Variants in TASOR2 observed in about 807,000 individuals in gnomAD.
TASOR2 encodes the protein protein TASOR 2.
TASOR2 carries 84 observed loss-of-function variants against 199.5 expected under a neutral mutation model. That is an observed-to-expected ratio of 0.42 (90% CI 0.35 to 0.50). The LOEUF is 0.50. Among genes scored for constraint, TASOR2 ranks in the 20% least tolerant of loss-of-function variants. The pLI is 0.02. For missense variants in TASOR2, 2,796 were observed against 2,835.9 expected (o/e 0.99, Z 0.32); for synonymous variants, 1,103 against 1,046.6 (o/e 1.05, Z -1.04).
At chr10:5,747,583 T>C in exon 15 of TASOR2, 1 of 1,614,186 alleles carries the variant, frequency 6.2e-7, no homozygotes, top group Non-Finnish European at 8.5e-7. Context: ...TAATGTGACC[T>C]CTGATTTTCC....
chr10:5,762,209 A>G (rs1262754799), intron 19 of TASOR2, among the ~76,000 whole-genome samples: 2 of 79,438 alleles, frequency 2.5e-5, no homozygotes, highest in African/African-American at 1.2e-4. Context: ...TCATCACACC[A>G]CTGCACTGTA....
intron 17 of TASOR2, among the ~76,000 whole-genome samples, chr10:5,758,204 G>A (rs1014373586): frequency 3.9e-5 from 6 of 152,276 alleles, no homozygotes; most frequent in East Asian, 3.9e-4. Context: ...ACCACTTCTA[G>A]ATCAAAAGCA....
chr10:5,756,693 AATC>A lies in TASOR2; in HGVS notation c.6698_6700del (p.Ile2233del), dbSNP rs374568998. 2.2e-4 allele frequency: 363 copies of A among 1,613,468 alleles called. No individual in the cohort carries two copies. In the African/African-American group the frequency reaches 2.9e-3, roughly 13 times the overall value. On this transcript the variant is annotated inframe_deletion, in exon 16 of 21. Transcript: ENST00000328090. ...CTTTCCACAGAGAGAATGATACACTAATCATCATCATCAGAAATGAAGATATAT... is the reference window on the plus strand; with the variant it reads ...CTTTCCACAGAGAGAATGATACACTAATCATCATCAGAAATGAAGATATAT...
chr10:5,749,389 A>T (rs760579073), exon 15 of TASOR2: 1 of 1,614,256 alleles, frequency 6.2e-7, no homozygotes, highest in Non-Finnish European at 8.5e-7. Context: ...AAAACAGACC[A>T]TAAAGAATGG....
At chr10:5,727,270 G>A in intron 10 of TASOR2, 147 bp downstream of exon 11, 1 of 770,856 alleles carries the variant, frequency 1.3e-6, no homozygotes, top group Non-Finnish European at 2.1e-6. Flanking sequence ...CACCCTTCTT[G>A]ACCTCCCTTG....
exon 18 of TASOR2, chr10:5,758,932 A>C (rs369123586): frequency 6.2e-7 from 1 of 1,614,196 alleles, no homozygotes; most frequent in Non-Finnish European, 8.5e-7. Context: ...CTAAATGGAA[A>C]TGGAAGATGG....
rs1296882876 is a variant in TASOR2, at chr10:5,689,222, CT to C, written c.-288+4048del. The stretch of plus-strand genomic sequence containing the variant: ...TGCTATTGAAAAGTCACCTATCAGT[CT>C]ATCAATTCATTTTGTTCTGACTGTT... On this transcript the variant is annotated intron_variant, in intron 1 of 20. Coordinates refer to ENST00000328090, the Ensembl canonical transcript of TASOR2. The surrounding 1 kb of genome is among the most constrained non-coding windows in gnomAD (Gnocchi z 4.1). Among the ~76,000 whole-genome samples, 1 of 152,200 alleles carries C rather than the reference CT, an allele frequency of 6.6e-6. No individual in the cohort carries two copies. Among genetic ancestry groups the C allele is most frequent in the Non-Finnish European group, 1.5e-5 (1 of 68,038 alleles).
At position 5,737,251 on chromosome 10, in the gene TASOR2, C is replaced by T. The variant is rs1835743974; in HGVS notation, c.1447+1705C>T. On this transcript the variant is annotated intron_variant, in intron 12 of 20. Coordinates refer to ENST00000328090, the Ensembl canonical transcript of TASOR2. This position sits in a 1 kb window ranked among gnomAD's most constrained non-coding sequence, Gnocchi z 4.9. The stretch of plus-strand genomic sequence containing the variant: ...AAAGTGCTGGGATTACAGGTGTGAG[C>T]CACCACGCCCAGCCAGGTTTGTTTT... Among the ~76,000 whole-genome samples the T allele has an allele frequency of 6.6e-6, 1 of 152,042 alleles. No homozygotes were observed. The highest frequency in any genetic ancestry group is 2.1e-4 in the South Asian group (1 of 4,816).
intron 2 of TASOR2, 68 bp downstream of exon 2, chr10:5,712,986 G>A: frequency 1.4e-6 from 1 of 722,662 alleles, no homozygotes; most frequent in Non-Finnish European, 1.9e-6. Context: ...CTTCAGTTCT[G>A]TAAGAGTTGT....
Position 5,748,506 on chromosome 10 carries a change from G to A in TASOR2, c.5085G>A (p.Lys1695=), listed in dbSNP as rs1837541783. The change falls in exon 15 of 21, where the codon AAG becomes AAA. Residue 1695 remains lysine (K), a synonymous_variant. Coordinates refer to ENST00000328090, the Ensembl canonical transcript of TASOR2. This position sits in a 1 kb window ranked among gnomAD's most constrained non-coding sequence, Gnocchi z 5.1. ...CAGGCAGAATGGCCAGTTTGCTTAAGAATGGTGAGCCTGAAGCTGAGTTAC... is the reference window on the plus strand; with the variant it reads ...CAGGCAGAATGGCCAGTTTGCTTAAAAATGGTGAGCCTGAAGCTGAGTTAC... 6.2e-7 allele frequency: 1 copy of A among 1,613,884 alleles called. No individual in the cohort carries two copies. The highest frequency in any genetic ancestry group is 1.3e-5 in the African/African-American group (1 of 75,062).
chr10:5,740,072 T>TA lies in TASOR2; in HGVS notation c.1903dup (p.Thr635AsnfsTer2). Reference sequence around the variant, plus strand: ...CCCCTGCTAAAGCCCAGTCAGCACTTACTGAGGAAATGCTAGAATCTTCAG... The same window carrying TA: ...CCCCTGCTAAAGCCCAGTCAGCACTTAACTGAGGAAATGCTAGAATCTTCAG... On this transcript the variant is annotated frameshift_variant, in exon 13 of 21. Coordinates refer to ENST00000328090, the Ensembl canonical transcript of TASOR2. LOFTEE classifies it high-confidence loss of function. The surrounding 1 kb of genome is among the most constrained non-coding windows in gnomAD (Gnocchi z 5.3). The TA allele has an allele frequency of 6.2e-7, 1 of 1,614,068 alleles. No individual in the cohort carries two copies. Among genetic ancestry groups the TA allele is most frequent in the Non-Finnish European group, 8.5e-7 (1 of 1,180,028 alleles).
At chr10:5,724,030 G>T (rs1398349160) in intron 7 of TASOR2, among the ~76,000 whole-genome samples, 2 of 152,204 alleles carry the variant, frequency 1.3e-5, no homozygotes, top group Non-Finnish European at 2.9e-5. Context: ...TAAGCAAGCA[G>T]ATATTAAAAG....
chr10:5,685,089 G>A lies in TASOR2; in HGVS notation c.-374G>A, dbSNP rs1835654001. The A allele has an allele frequency of 5.0e-6, 2 of 398,114 alleles. No individual in the cohort carries two copies. Among genetic ancestry groups the A allele is most frequent in the Non-Finnish European group, 4.4e-6 (1 of 225,718 alleles). The allele number at this position is 398,114 out of a possible 1,614,324, so 24.7% of individuals were successfully genotyped here. On this transcript the variant is annotated 5_prime_UTR_variant, in exon 1 of 21. Coordinates refer to ENST00000328090, the Ensembl canonical transcript of TASOR2. The surrounding 1 kb of genome is among the most constrained non-coding windows in gnomAD (Gnocchi z 5.4). ...GCGCCGGTGTCGCGAGGGCCCGGGA[G>A]GACGCAGAGCACGGCCGGGAGAAGC...
rs965504537 is a variant in TASOR2 at position 5,685,129 on chromosome 10, G to T, written c.-334G>T. On this transcript the variant is annotated 5_prime_UTR_variant, in exon 1 of 21. Coordinates refer to ENST00000328090, the Ensembl canonical transcript of TASOR2. This position sits in a 1 kb window ranked among gnomAD's most constrained non-coding sequence, Gnocchi z 5.4. ...CCGGGAGAAGCATGGGAAGGAGGCC[G>T]AGCCGGGATCTCAGGTCCTCGGGGG... 2.8e-5 allele frequency: 11 copies of T among 398,138 alleles called. No individual in the cohort carries two copies. The highest frequency in any genetic ancestry group is 1.0e-4 in the African/African-American group (5 of 48,600). 24.7% of individuals were successfully genotyped at this position (398,138 alleles called of 1,614,324 possible). A position where few individuals can be genotyped will look rare whatever the true frequency, so the allele number is the denominator to read the frequency against.
chr10:5,684,870 G>T (rs1835631597), exon 1 of TASOR2: 8 of 396,680 alleles, frequency 2.0e-5, no homozygotes, highest in Non-Finnish European at 2.7e-5. Flanking sequence ...CAGAGAGAAA[G>T]TCGGCATGTT....
exon 15 of TASOR2, chr10:5,749,400 G>T (rs766370754): frequency 1.2e-6 from 2 of 1,614,040 alleles, no homozygotes; most frequent in African/African-American, 2.7e-5. Context: ...TAAAGAATGG[G>T]GATTCTCAGC....
At chr10:5,694,422 A>G (rs765120944) in intron 1 of TASOR2, among the ~76,000 whole-genome samples, 3 of 152,230 alleles carry the variant, frequency 2.0e-5, no homozygotes, top group Middle Eastern at 3.2e-3. Context: ...CTGGCATACA[A>G]CAATGAAAAG....
intron 15 of TASOR2, among the ~76,000 whole-genome samples, chr10:5,755,046 C>CAAAAAAAAAAAAAAAAAAA (rs34884255): frequency 1.3e-5 from 1 of 78,124 alleles, no homozygotes; most frequent in Non-Finnish European, 2.4e-5. Context: ...ACTCTTGTCT[C>CAAAAAAAAAAAAAAAAAAA]AAAAAAAAAA....
chr10:5,717,551 C>T, intron 2 of TASOR2, 108 bp from the exon 4 acceptor site: 1 of 421,202 alleles, frequency 2.4e-6, no homozygotes, highest in Non-Finnish European at 4.0e-6. Flanking sequence ...ATCCTCCTCT[C>T]CTGTCTCAAC....
Sources: allele counts gnomAD v4.1 joint callset (sites outside exome capture counted in the v4.1 genomes callset), GRCh38; gene constraint gnomAD v4.1.1; non-coding constraint Gnocchi (gnomAD v3.1); transcripts MANE v1.5; gene names NCBI Gene and HGNC (gene_info 2026-07-23, HGNC 2026-07-21).